The following JAM2 variants were observed in gnomAD, a reference collection of about 807,000 sequenced individuals.
JAM2 encodes junctional adhesion molecule B.
Under a neutral mutation model 42.0 loss-of-function variants are expected in JAM2, and 17 were observed. The observed-to-expected ratio is 0.40, with a 90% CI of 0.28 to 0.61. JAM2 has a LOEUF of 0.61. Among genes scored for constraint, JAM2 ranks in the 20% least tolerant of loss-of-function variants. The pLI is 0.37. For missense variants in JAM2, 319 were observed against 358.3 expected (o/e 0.89, Z 0.89); for synonymous variants, 118 against 128.6 (o/e 0.92, Z 0.56).
At chr21:25,685,930 T>C (rs1015596172) in intron 2 of JAM2, among the ~76,000 whole-genome samples, 1 of 152,256 alleles carries the variant, frequency 6.6e-6, no homozygotes, top group African/African-American at 2.4e-5. Context: ...AGTGGATGTA[T>C]ATCCTCTCCC....
chr21:25,656,335 C>T (rs1230211163), intron 1 of JAM2, among the ~76,000 whole-genome samples: 1 of 152,210 alleles, frequency 6.6e-6, no homozygotes, highest in Admixed American at 6.5e-5. Flanking sequence ...ACATTTGACA[C>T]ATCAACTCAA....
In JAM2 at chr21:25,676,879, GAACTCTAAGA is replaced by G. The variant is rs377091365; in HGVS notation, c.68-7003_68-6994del. ...TATTAGGTACAAGTTTTGTAAAAAG[GAACTCTAAGA>G]CTAGAAAGGCTAAAACAAGGTAGAA... On this transcript the variant is annotated intron_variant, in intron 1 of 9. Transcript: ENST00000480456. Among the ~76,000 whole-genome samples the G allele has an allele frequency of 8.5e-4, 129 of 152,196 alleles. 1 individual carries two copies. In the East Asian group the frequency reaches 0.022, roughly 26 times the overall value.
At chr21:25,660,777 TATA>T (rs1230574789) in intron 1 of JAM2, among the ~76,000 whole-genome samples, 14 of 73,986 alleles carry the variant, frequency 1.9e-4, no homozygotes, top group African/African-American at 9.3e-4. Flanking sequence ...TATATATATA[TATA>T]TATTTTTTTT....
intron 1 of JAM2, among the ~76,000 whole-genome samples, chr21:25,667,918 G>C (rs995962900): frequency 1.3e-5 from 2 of 152,284 alleles, no homozygotes; most frequent in African/African-American, 4.8e-5. Flanking sequence ...AGAAAAGCAG[G>C]ATCAAAGGAA....
chr21:25,698,739 C>T lies in JAM2; in HGVS notation c.457C>T (p.Leu153=). Residue 153 remains leucine (L), a synonymous_variant, in exon 5 of 10, where the codon CTA becomes TTA. Transcript: ENST00000480456. ...TGCTCTGAGTGGAACTGTGGTAGAG[C>T]TACGATGTCAAGACAAAGAAGGGAA... is the stretch of plus-strand genomic sequence containing the variant. ...SSALSGTVVE[L]RCQDKEGNPA... 1 of 1,614,102 alleles carries T rather than the reference C, an allele frequency of 6.2e-7. No individual in the cohort carries two copies. The highest frequency in any genetic ancestry group is 8.5e-7 in the Non-Finnish European group (1 of 1,180,004).
intron 9 of JAM2, among the ~76,000 whole-genome samples, chr21:25,713,864 A>T (rs1158975081): frequency 5.9e-5 from 9 of 152,232 alleles, no homozygotes; most frequent in Non-Finnish European, 1.5e-5. Flanking sequence ...GCTAAACTGA[A>T]TGAACAAAAG....
chr21:25,707,908 G>A (rs1383767751), intron 7 of JAM2, among the ~76,000 whole-genome samples: 1 of 151,842 alleles, frequency 6.6e-6, no homozygotes, highest in Admixed American at 6.6e-5. Flanking sequence ...GCAGTGGTGT[G>A]ATCAAGGCTC....
chr21:25,695,688 G>A (rs1177686572), intron 4 of JAM2, among the ~76,000 whole-genome samples: 6 of 149,148 alleles, frequency 4.0e-5, no homozygotes, highest in African/African-American at 7.4e-5. Context: ...GCTGCCGGGC[G>A]GAGGGGCTCC....
chr21:25,667,694 A>C (rs1279190947), intron 1 of JAM2, among the ~76,000 whole-genome samples: 1 of 152,166 alleles, frequency 6.6e-6, no homozygotes, highest in Non-Finnish European at 1.5e-5. Context: ...GTTCCATTCC[A>C]TCTTCTCCAT....
chr21:25,653,586 C>A (rs990757456), intron 1 of JAM2, among the ~76,000 whole-genome samples: 1 of 152,150 alleles, frequency 6.6e-6, no homozygotes, highest in African/African-American at 2.4e-5. Flanking sequence ...AAGGACAATG[C>A]CAAGTGAAGG....
intron 1 of JAM2, among the ~76,000 whole-genome samples, chr21:25,669,611 A>G (rs1271202977): frequency 6.6e-6 from 1 of 152,166 alleles, no homozygotes; most frequent in Admixed American, 6.5e-5. Flanking sequence ...AATTATGTAC[A>G]TGATTTTATT....
At chr21:25,681,948 C>G (rs1199369969) in intron 1 of JAM2, among the ~76,000 whole-genome samples, 5 of 152,176 alleles carry the variant, frequency 3.3e-5, no homozygotes, top group African/African-American at 9.6e-5. Context: ...TGCCACTGCA[C>G]TCCAGCCTGG....
chr21:25,716,269 T>C lies in JAM2; in HGVS notation c.*1597T>C, dbSNP rs891166120. 1 of 152,308 alleles carries C rather than the reference T, an allele frequency of 6.6e-6. No homozygotes were observed. Among genetic ancestry groups the C allele is most frequent in the African/African-American group, 2.4e-5 (1 of 41,436 alleles). The allele number at this position is 152,308 out of a possible 1,614,324, so 9.4% of individuals were successfully genotyped here. A position where few individuals can be genotyped will look rare whatever the true frequency, so the allele number is the denominator to read the frequency against. On this transcript the variant is annotated 3_prime_UTR_variant, in exon 10 of 10. Coordinates refer to ENST00000480456, the MANE Select transcript of JAM2 (RefSeq NM_021219.4). Reference sequence around the variant, plus strand: ...CATCAGCCTCCCAAAGTGCTGGGATTATAGGCATGAGCCACTGCACTGGGC... The same window carrying C: ...CATCAGCCTCCCAAAGTGCTGGGATCATAGGCATGAGCCACTGCACTGGGC...
intron 1 of JAM2, among the ~76,000 whole-genome samples, chr21:25,680,148 C>T (rs1189476238): frequency 6.6e-6 from 1 of 152,202 alleles, no homozygotes; most frequent in Non-Finnish European, 1.5e-5. Flanking sequence ...TTACTTCCTT[C>T]TCTGTACTCT....
At chr21:25,674,964 T>C (rs1179641076) in intron 1 of JAM2, among the ~76,000 whole-genome samples, 1 of 152,152 alleles carries the variant, frequency 6.6e-6, no homozygotes, top group Non-Finnish European at 1.5e-5. Context: ...TGTGCTAATC[T>C]GTTCTCCCAC....
chr21:25,691,845 C>T (rs1601041571), intron 3 of JAM2, among the ~76,000 whole-genome samples: 1 of 152,054 alleles, frequency 6.6e-6, no homozygotes, highest in Non-Finnish European at 1.5e-5. Flanking sequence ...GCCTGGCCAA[C>T]ATGGTGAAAT....
At chr21:25,695,696 T>G (rs2034000510) in intron 4 of JAM2, among the ~76,000 whole-genome samples, 1 of 149,196 alleles carries the variant, frequency 6.7e-6, no homozygotes, top group African/African-American at 2.5e-5. Flanking sequence ...GCGGAGGGGC[T>G]CCTCACTTTC....
In JAM2 at chr21:25,717,381, TCTTATTAGCAAG is replaced by T. The variant is rs1346994746; in HGVS notation, c.*2713_*2724del. 1 of 263,352 alleles carries T rather than the reference TCTTATTAGCAAG, an allele frequency of 3.8e-6. No homozygotes were observed. The highest frequency in any genetic ancestry group is 7.1e-6 in the Non-Finnish European group (1 of 141,454). The allele number at this position is 263,352 out of a possible 1,614,324, so 16.3% of individuals were successfully genotyped here. A position where few individuals can be genotyped will look rare whatever the true frequency, so the allele number is the denominator to read the frequency against. On this transcript the variant is annotated 3_prime_UTR_variant, in exon 10 of 10. Coordinates refer to ENST00000480456, the MANE Select transcript of JAM2 (RefSeq NM_021219.4). ...TTGTGTAAAGATTAGGGCTTTAAAA[TCTTATTAGCAAG>T]CTTTGTTTTGTTTTAATTATTGTTG...
At chr21:25,681,327 C>T (rs2033625507) in intron 1 of JAM2, among the ~76,000 whole-genome samples, 1 of 152,186 alleles carries the variant, frequency 6.6e-6, no homozygotes, top group African/African-American at 2.4e-5. Flanking sequence ...AATTGACTCA[C>T]AGTTCAGCAT....
Sources: allele counts gnomAD v4.1 joint callset (sites outside exome capture counted in the v4.1 genomes callset), GRCh38; gene constraint gnomAD v4.1.1; transcripts MANE v1.5; gene names NCBI Gene and HGNC (gene_info 2026-07-23, HGNC 2026-07-21).